The following EVC variants were observed in gnomAD, a reference collection of about 807,000 sequenced individuals.
EVC encodes EvC ciliary complex subunit 1.
EVC carries 116 observed loss-of-function variants against 118.9 expected under a neutral mutation model. The ratio of observed to expected loss-of-function variants is 0.98; its 90% confidence interval spans 0.84 to 1.14. The LOEUF (loss-of-function observed/expected upper bound fraction) is 1.14, where lower values mean the gene tolerates loss of function less well. Ranked by LOEUF, EVC falls within the 50% of genes most tolerant of loss-of-function variation. The pLI, the probability that EVC is intolerant of heterozygous loss-of-function variation, is 0.00. For synonymous variants in EVC, 619 were observed against 534.7 expected (o/e 1.16, Z -2.18); for missense variants, 1,401 against 1,246.4 (o/e 1.12, Z -1.87).
rs200161588 is a variant in EVC, at chr4:5,719,298, C to T, written c.225C>T (p.Thr75=). The change falls in exon 2 of 21, where the codon ACC becomes ACT. Residue 75 remains threonine (T), a synonymous_variant. Coordinates refer to ENST00000264956, the MANE Select transcript of EVC (RefSeq NM_153717.3). This position sits in a 1 kb window ranked among gnomAD's most constrained non-coding sequence, Gnocchi z 4.7. ...AGAATTTGGAGTCTAATGCGCAGAC[C>T]CCCTCGGAAACTGGCTCCCCATCAA... ...LLKNLESNAQ[T]PSETGSPSRR... 8 of 1,614,074 alleles carry T rather than the reference C, an allele frequency of 5.0e-6. No homozygotes were observed. The highest frequency in any genetic ancestry group is 5.9e-6 in the Non-Finnish European group (7 of 1,180,032).
At chr4:5,787,035 G>A (rs959778479) in intron 12 of EVC, among the ~76,000 whole-genome samples, 11 of 152,118 alleles carry the variant, frequency 7.2e-5, no homozygotes, top group African/African-American at 1.2e-4. Context: ...AAAACACATC[G>A]ACTACAAATT....
chr4:5,744,729 G>C (rs1343308865), intron 6 of EVC, among the ~76,000 whole-genome samples: 1 of 152,122 alleles, frequency 6.6e-6, no homozygotes, highest in Non-Finnish European at 1.5e-5. Context: ...TATCACACCA[G>C]AGCAATGGCC....
At chr4:5,816,050 G>A (rs1441176837), downstream of EVC, among the ~76,000 whole-genome samples, 1 of 152,140 alleles carries the variant, frequency 6.6e-6, no homozygotes, top group Non-Finnish European at 1.5e-5. Context: ...CTGTGTGTCA[G>A]CATTACCCAG....
chr4:5,753,584 G>A (rs982041699), intron 9 of EVC, among the ~76,000 whole-genome samples: 8 of 152,156 alleles, frequency 5.3e-5, no homozygotes, highest in African/African-American at 1.7e-4. Flanking sequence ...GGCTCAAGAC[G>A]TGGAGGCATC....
chr4:5,825,833 A>T, the EVC span: 3 of 637,682 alleles, frequency 4.7e-6, no homozygotes, highest in South Asian at 6.1e-5. The surrounding 1 kb of genome is among the most constrained non-coding windows in gnomAD (Gnocchi z 4.4). Flanking sequence ...ATGCAGCCGC[A>T]CACAGGCATT....
chr4:5,773,599 A>T (rs868068677), intron 11 of EVC, among the ~76,000 whole-genome samples: 1 of 152,002 alleles, frequency 6.6e-6, no homozygotes, highest in African/African-American at 2.4e-5. Context: ...GCCGGGAGAG[A>T]GACTGGGAGG....
intron 6 of EVC, among the ~76,000 whole-genome samples, chr4:5,744,211 A>G (rs1024232619): frequency 2.6e-5 from 4 of 152,224 alleles, no homozygotes; most frequent in East Asian, 1.9e-4. Context: ...CTGCCTGGGC[A>G]TCTTTGGACA....
rs1560308748 is a variant in EVC at position 5,738,432 on chromosome 4, GC to G, written c.703-3283del. ...GGGCAAATTGCTATCGAATAGCATG[GC>G]ACGCTGCAGAGAAATCTTTTGTGAA... On this transcript the variant is annotated intron_variant, in intron 5 of 20. Transcript: ENST00000264956. This position sits in a 1 kb window ranked among gnomAD's most constrained non-coding sequence, Gnocchi z 6.5. Among the ~76,000 whole-genome samples, 1 of 152,080 alleles carries G rather than the reference GC, an allele frequency of 6.6e-6. No individual in the cohort carries two copies. The highest frequency in any genetic ancestry group is 2.4e-5 in the African/African-American group (1 of 41,390).
the EVC span, chr4:5,825,969 A>C: frequency 1.0e-5 from 4 of 394,562 alleles, no homozygotes; most frequent in Non-Finnish European, 1.8e-5. This position sits in a 1 kb window ranked among gnomAD's most constrained non-coding sequence, Gnocchi z 4.4. Context: ...CACATGCAGT[A>C]ACAAAACAGG....
chr4:5,762,743 G>A (rs1164481736), intron 11 of EVC, among the ~76,000 whole-genome samples: 1 of 115,596 alleles, frequency 8.7e-6, no homozygotes, highest in Admixed American at 9.8e-5. Flanking sequence ...ACTTTTTGAT[G>A]GGGTTGTTTG....
At chr4:5,748,037 T>G in intron 7 of EVC, 111 bp from the exon 8 acceptor site, 2 of 1,208,956 alleles carry the variant, frequency 1.7e-6, no homozygotes, top group Admixed American at 1.8e-5. Context: ...TAGAATTGTT[T>G]AGAATCTTTG....
intron 6 of EVC, among the ~76,000 whole-genome samples, chr4:5,744,134 C>G (rs754770987): frequency 2.0e-5 from 3 of 152,164 alleles, no homozygotes; most frequent in Non-Finnish European, 2.9e-5. Flanking sequence ...GACCTTAAAA[C>G]TTTCAGAAGA....
the EVC span, among the ~76,000 whole-genome samples, chr4:5,827,076 T>C: frequency 2.6e-5 from 4 of 152,200 alleles, no homozygotes; most frequent in East Asian, 1.9e-4. Context: ...CTTCACCTGG[T>C]CTAGCTCCTG....
chr4:5,767,573 C>T (rs1019671354), intron 11 of EVC, among the ~76,000 whole-genome samples: 2 of 151,214 alleles, frequency 1.3e-5, no homozygotes, highest in African/African-American at 4.9e-5. Context: ...ATAGGACCCT[C>T]CGAGCCACGT....
At position 5,732,934 on chromosome 4, in the gene EVC, C is replaced by T. The variant is rs149402688; in HGVS notation, c.618-417C>T. On this transcript the variant is annotated intron_variant, in intron 4 of 20. Coordinates refer to ENST00000264956, the MANE Select transcript of EVC (RefSeq NM_153717.3). Reference sequence around the variant, plus strand: ...CTGAGGTGGGAGGATTGCTTGAGCCCGGGAGGTGGAGGCTGCAGTAAGCCG... The same window carrying T: ...CTGAGGTGGGAGGATTGCTTGAGCCTGGGAGGTGGAGGCTGCAGTAAGCCG... Among the ~76,000 whole-genome samples, 628 of 152,232 alleles carry T rather than the reference C, an allele frequency of 4.1e-3. 6 individuals carry two copies. Among genetic ancestry groups the T allele is most frequent in the African/African-American group, 0.014 (601 of 41,556 alleles).
rs1384741954 is a variant in EVC at position 5,725,974 on chromosome 4, G to A, written c.301-3333G>A. 2.0e-5 allele frequency among the ~76,000 whole-genome samples: 3 copies of A among 152,322 alleles called. No homozygotes were observed. The East Asian group carries it at 5.8e-4, about 29-fold the overall frequency. ...AAGGTACAGAGAAACGACAAGAACA[G>A]GAGCCCCTGGTGTGGAGTGTCCCTC... On this transcript the variant is annotated intron_variant, in intron 2 of 20. Coordinates refer to ENST00000264956, the MANE Select transcript of EVC (RefSeq NM_153717.3).
intron 1 of EVC, among the ~76,000 whole-genome samples, chr4:5,713,874 G>A (rs1291264704): frequency 1.3e-5 from 2 of 152,146 alleles, no homozygotes; most frequent in African/African-American, 2.4e-5. Context: ...TTGCACTCCA[G>A]CCTGGGCAAC....
rs981957671 is a variant in EVC, at chr4:5,719,675, T to A, written c.300+302T>A. 6.6e-6 allele frequency among the ~76,000 whole-genome samples: 1 copy of A among 152,194 alleles called. No homozygotes were observed. Among genetic ancestry groups the A allele is most frequent in the Non-Finnish European group, 1.5e-5 (1 of 68,038 alleles). ...CCCCACACACTTCCAGAGGTGCCCA[T>A]GCGTGGGATTTCCATTGATTGGTTC... On this transcript the variant is annotated intron_variant, in intron 2 of 20. Transcript: ENST00000264956. The surrounding 1 kb of genome is among the most constrained non-coding windows in gnomAD (Gnocchi z 4.7).
At position 5,813,227 on chromosome 4, in the gene EVC, T is replaced by C. The variant is rs2152401036; in HGVS notation, c.*2190T>C. Reference sequence around the variant, plus strand: ...CAATATTCTTAAAACCTGCTTTGCATAGAAATCACTTTTGCCCAGGCTGGA... The same window carrying C: ...CAATATTCTTAAAACCTGCTTTGCACAGAAATCACTTTTGCCCAGGCTGGA... On this transcript the variant is annotated 3_prime_UTR_variant, in exon 21 of 21. Coordinates refer to ENST00000264956, the MANE Select transcript of EVC (RefSeq NM_153717.3). 2.6e-5 allele frequency: 4 copies of C among 152,316 alleles called. No individual in the cohort carries two copies. The South Asian group carries it at 8.3e-4, about 32-fold the overall frequency. 9.4% of individuals were successfully genotyped at this position (152,316 alleles called of 1,614,324 possible).
Sources: gnomAD v4.1 joint callset for allele counts (sites outside exome capture counted in the v4.1 genomes callset) on GRCh38, gnomAD v4.1.1 for gene constraint, Gnocchi (gnomAD v3.1) non-coding constraint, MANE v1.5 for transcripts, NCBI Gene and HGNC (gene_info 2026-07-23, HGNC 2026-07-21) for gene names.